The following SLC7A1 variants were observed in gnomAD, a reference collection of about 807,000 sequenced individuals.
The protein encoded by SLC7A1 is high affinity cationic amino acid transporter 1.
In SLC7A1, 10 loss-of-function variants were observed where a neutral mutation model predicts 53.9. That is an observed-to-expected ratio of 0.19 (90% CI 0.11 to 0.31). The LOEUF is 0.31. SLC7A1 is among the 10% of genes least tolerant of loss of function. SLC7A1 has a pLI of 1.00. For synonymous variants in SLC7A1, 342 were observed against 338.7 expected (o/e 1.01, Z -0.11); for missense variants, 525 against 827.2 (o/e 0.63, Z 4.48).
chr13:29,587,196 G>A (rs1871918008), intron 1 of SLC7A1, among the ~76,000 whole-genome samples: 1 of 152,196 alleles, frequency 6.6e-6, no homozygotes, highest in Admixed American at 6.5e-5. Flanking sequence ...GGGAGCTGAG[G>A]ACAATGACGT....
chr13:29,576,293 T>A (rs860203), intron 1 of SLC7A1, among the ~76,000 whole-genome samples: 105,011 of 124,602 alleles, frequency 0.84, 46,093 homozygotes, highest in Middle Eastern at 0.96. Context: ...TCCTGTTTTT[T>A]AAAAAAAAAA....
intron 2 of SLC7A1, among the ~76,000 whole-genome samples, chr13:29,543,453 C>T (rs1869758290): frequency 6.6e-6 from 1 of 152,244 alleles, no homozygotes; most frequent in African/African-American, 2.4e-5. Context: ...ACTTCACAAT[C>T]AGAAAGCCTG....
At chr13:29,588,836 T>C (rs1354671441) in intron 1 of SLC7A1, among the ~76,000 whole-genome samples, 2 of 152,114 alleles carry the variant, frequency 1.3e-5, no homozygotes, top group African/African-American at 2.4e-5. Flanking sequence ...TGAAATGTTA[T>C]CCAAAAACTG....
At chr13:29,531,182 A>C (rs898150876) in intron 4 of SLC7A1, among the ~76,000 whole-genome samples, 3 of 152,172 alleles carry the variant, frequency 2.0e-5, no homozygotes, top group African/African-American at 7.2e-5. Context: ...ATTCTGGTTG[A>C]CTTTGGGATG....
At chr13:29,528,446 C>T (rs949471807) in intron 5 of SLC7A1, among the ~76,000 whole-genome samples, 6 of 152,166 alleles carry the variant, frequency 3.9e-5, no homozygotes, top group East Asian at 1.9e-4. Context: ...CCTTCCCAGG[C>T]GGCTAGGAGA....
intron 2 of SLC7A1, among the ~76,000 whole-genome samples, chr13:29,544,238 A>G (rs1593556665): frequency 6.6e-6 from 1 of 152,232 alleles, no homozygotes. Context: ...AGAAAACATC[A>G]AGTCCAAAAG....
chr13:29,520,954 T>C (rs1290558101), intron 8 of SLC7A1, among the ~76,000 whole-genome samples: 1 of 152,234 alleles, frequency 6.6e-6, no homozygotes, highest in Non-Finnish European at 1.5e-5. Context: ...TCCTGGATTT[T>C]GTGAATGGCA....
chr13:29,536,396 G>C (rs1391920441), intron 2 of SLC7A1, among the ~76,000 whole-genome samples, 194 bp from the exon 3 acceptor site: 1 of 152,208 alleles, frequency 6.6e-6, no homozygotes, highest in Non-Finnish European at 1.5e-5. Context: ...AGCACATACA[G>C]AATTAACCCA....
chr13:29,576,550 C>G (rs1871422626), intron 1 of SLC7A1, among the ~76,000 whole-genome samples: 1 of 152,126 alleles, frequency 6.6e-6, no homozygotes, highest in South Asian at 2.1e-4. Context: ...CTTGGTGGAG[C>G]TGCAGAAAGT....
At chr13:29,579,901 C>T (rs1398747839) in intron 1 of SLC7A1, among the ~76,000 whole-genome samples, 1 of 152,198 alleles carries the variant, frequency 6.6e-6, no homozygotes, top group Admixed American at 6.5e-5. Flanking sequence ...AGTAACACTT[C>T]TCTACTAGAG....
intron 9 of SLC7A1, 127 bp downstream of exon 9, chr13:29,519,320 G>T: frequency 1.7e-6 from 1 of 586,378 alleles, no homozygotes; most frequent in Non-Finnish European, 3.1e-6. Context: ...CCCTCTCCTT[G>T]GCAGCTCCCA....
chr13:29,572,544 C>T (rs372472751), intron 1 of SLC7A1, among the ~76,000 whole-genome samples: 9 of 152,150 alleles, frequency 5.9e-5, no homozygotes, highest in African/African-American at 2.2e-4. Context: ...AAGGACTGGC[C>T]GGATGCCATC....
intron 1 of SLC7A1, among the ~76,000 whole-genome samples, chr13:29,554,654 G>A (rs1870352385): frequency 6.6e-6 from 1 of 152,284 alleles, no homozygotes; most frequent in East Asian, 1.9e-4. Flanking sequence ...TAATTAAGCT[G>A]TCTGAAATAT....
chr13:29,551,039 C>T (rs1870157517), intron 2 of SLC7A1, among the ~76,000 whole-genome samples: 1 of 152,160 alleles, frequency 6.6e-6, no homozygotes, highest in Non-Finnish European at 1.5e-5. Flanking sequence ...TAATTTCCTC[C>T]TCCTGGAAAA....
At chr13:29,591,403 G>A (rs1022740834) in intron 1 of SLC7A1, among the ~76,000 whole-genome samples, 1 of 152,164 alleles carries the variant, frequency 6.6e-6, no homozygotes, top group African/African-American at 2.4e-5. Context: ...TGCCAGTAGG[G>A]ATCATGATGT....
At position 29,509,818 on chromosome 13, in the gene SLC7A1, C is replaced by T. The variant is rs534684050; in HGVS notation, c.*4662G>A. 1 of 152,490 alleles carries T rather than the reference C, an allele frequency of 6.6e-6. No homozygotes were observed. Among genetic ancestry groups the T allele is most frequent in the East Asian group, 1.9e-4 (1 of 5,170 alleles). The allele number at this position is 152,490 out of a possible 1,614,324, so 9.4% of individuals were successfully genotyped here. On this transcript the variant is annotated 3_prime_UTR_variant, in exon 13 of 13. Coordinates refer to ENST00000380752, the MANE Select transcript of SLC7A1 (RefSeq NM_003045.5). The stretch of plus-strand genomic sequence containing the variant: ...AGAAGAAAATATTTACTGGAGAAAC[C>T]ACAGCTATTCAGGTTTGATAATAAA...
chr13:29,538,531 G>T lies in SLC7A1; in HGVS notation c.-14-2329C>A, dbSNP rs370769452. 8.5e-5 allele frequency among the ~76,000 whole-genome samples: 13 copies of T among 152,298 alleles called. 1 individual carries two copies. In the East Asian group the frequency reaches 2.3e-3, roughly 27 times the overall value. ...TGCCTGCGGCTTCCTAGGCAGTTAA[G>T]TGAGAGCCTCCGAGTGGCACTAGGG... On this transcript the variant is annotated intron_variant, in intron 2 of 12. Coordinates refer to ENST00000380752, the MANE Select transcript of SLC7A1 (RefSeq NM_003045.5).
chr13:29,533,072 A>G (rs1422945064), intron 3 of SLC7A1, 90 bp from the exon 4 acceptor site: 1 of 1,305,884 alleles, frequency 7.7e-7, no homozygotes, highest in Non-Finnish European at 1.0e-6. Context: ...ACATCATTGC[A>G]GGAGTCACCG....
intron 1 of SLC7A1, among the ~76,000 whole-genome samples, chr13:29,579,363 A>AT (rs34087661): frequency 0.039 from 5,631 of 143,974 alleles, 330 homozygotes; most frequent in African/African-American, 0.13. Context: ...TCCACTAGCA[A>AT]TTTTTTTTTT....
Sources: gnomAD v4.1 joint callset for allele counts (sites outside exome capture counted in the v4.1 genomes callset) on GRCh38, gnomAD v4.1.1 for gene constraint, MANE v1.5 for transcripts, NCBI Gene and HGNC (gene_info 2026-07-23, HGNC 2026-07-21) for gene names.